Variants in TRRAP observed in about 807,000 individuals in gnomAD.
The protein encoded by TRRAP is transformation/transcription domain-associated protein.
In TRRAP, 41 loss-of-function variants were observed where a neutral mutation model predicts 438.8. That is an observed-to-expected ratio of 0.09 (90% CI 0.07 to 0.12). The LOEUF (loss-of-function observed/expected upper bound fraction) is 0.12. TRRAP is among the 10% of genes least tolerant of loss of function. TRRAP has a pLI of 1.00. For synonymous variants in TRRAP, 1,994 were observed against 1,962.9 expected (o/e 1.02, Z -0.42); for missense variants, 3,122 against 5,055.1 (o/e 0.62, Z 11.60).
At chr7:98,939,190 C>T (rs934479113) in intron 30 of TRRAP, among the ~76,000 whole-genome samples, 5 of 152,168 alleles carry the variant, frequency 3.3e-5, no homozygotes, top group African/African-American at 9.7e-5. Flanking sequence ...GACCATTTGA[C>T]GTTTTAAGAT....
At position 98,980,215 on chromosome 7, in the gene TRRAP, G is replaced by T. The variant is rs1220472827; in HGVS notation, c.8634+1311G>T. Among the ~76,000 whole-genome samples the T allele has an allele frequency of 2.0e-5, 3 of 152,172 alleles. No individual in the cohort carries two copies. In the East Asian group the frequency reaches 5.8e-4, roughly 29 times the overall value. ...CACAGTGTCATATAATTGTGGGGTG[G>T]TGTCATTATTACCATTATTGCATGC... On this transcript the variant is annotated intron_variant, in intron 58 of 72. Transcript: ENST00000456197.
intron 67 of TRRAP, chr7:98,999,518 G>A (rs1465925276): frequency 4.1e-6 from 3 of 724,968 alleles, no homozygotes; most frequent in Non-Finnish European, 7.5e-6. Flanking sequence ...ACAATATTGG[G>A]GTGCACCAGG....
In TRRAP at chr7:99,005,590, C is replaced by T. The variant is rs1300639828; in HGVS notation, c.10753+242C>T. On this transcript the variant is annotated intron_variant, in intron 69 of 72. Coordinates refer to ENST00000456197, the MANE Select transcript of TRRAP (RefSeq NM_001375524.1). This position sits in a 1 kb window ranked among gnomAD's most constrained non-coding sequence, Gnocchi z 5.1. ...CACCTTTCCTCTAAGGCGAGCTTGT[C>T]CAACCTGCGGGCTCCATGGGGCCCA... 6.6e-6 allele frequency among the ~76,000 whole-genome samples: 1 copy of T among 152,222 alleles called. No homozygotes were observed. Among genetic ancestry groups the T allele is most frequent in the Non-Finnish European group, 1.5e-5 (1 of 68,030 alleles).
chr7:98,900,817 T>C, intron 11 of TRRAP, 97 bp downstream of exon 11: 2 of 943,090 alleles, frequency 2.1e-6, no homozygotes, highest in Non-Finnish European at 3.2e-6. Flanking sequence ...TTGACAAATA[T>C]TGGTAATCAT....
intron 31 of TRRAP, 114 bp downstream of exon 31, chr7:98,943,131 G>A: frequency 1.9e-6 from 2 of 1,036,276 alleles, no homozygotes; most frequent in East Asian, 2.6e-5. Flanking sequence ...TGACGTGATT[G>A]TAGTCCTTGT....
intron 33 of TRRAP, among the ~76,000 whole-genome samples, chr7:98,946,576 G>A (rs112073792): frequency 7.1e-5 from 10 of 141,034 alleles, no homozygotes; most frequent in East Asian, 2.1e-4. Context: ...CACCACACGC[G>A]CACACACCAC....
At chr7:98,886,011 G>A (rs1415304211) in intron 3 of TRRAP, among the ~76,000 whole-genome samples, 9 of 152,226 alleles carry the variant, frequency 5.9e-5, no homozygotes, top group African/African-American at 2.2e-4. Context: ...AAGTCTGGGT[G>A]TGGTGGCTGA....
intron 30 of TRRAP, among the ~76,000 whole-genome samples, chr7:98,940,161 G>A (rs1366100691): frequency 6.6e-6 from 1 of 151,844 alleles, no homozygotes; most frequent in African/African-American, 2.4e-5. Context: ...TGGGATTACA[G>A]ATGTGAGCCA....
chr7:98,934,882 C>CTTT (rs1322268677), intron 27 of TRRAP, among the ~76,000 whole-genome samples: 1 of 152,130 alleles, frequency 6.6e-6, no homozygotes. Flanking sequence ...GCTTGAAGTG[C>CTTT]TTTTCACTCT....
At chr7:98,946,231 G>A (rs1325955066) in intron 33 of TRRAP, among the ~76,000 whole-genome samples, 1 of 152,144 alleles carries the variant, frequency 6.6e-6, no homozygotes, top group East Asian at 1.9e-4. Flanking sequence ...TTTTGTGTTC[G>A]TAACCTCTAT....
At chr7:98,900,367 A>G (rs782538966) in intron 10 of TRRAP, among the ~76,000 whole-genome samples, 6 of 152,062 alleles carry the variant, frequency 3.9e-5, no homozygotes, top group Non-Finnish European at 5.9e-5. Flanking sequence ...ATTGAGTAGA[A>G]CGGCCTGGCA....
intron 59 of TRRAP, 108 bp downstream of exon 59, chr7:98,982,068 C>T (rs1792954965): frequency 8.7e-7 from 1 of 1,143,344 alleles, no homozygotes; most frequent in African/African-American, 1.6e-5. Context: ...GATGAAACTC[C>T]TTCTGCTTGT....
At position 98,897,764 on chromosome 7, in the gene TRRAP, A is replaced by G. The variant is rs547824572; in HGVS notation, c.531A>G (p.Gln177=). The G allele has an allele frequency of 9.6e-5, 155 of 1,613,996 alleles. No homozygotes were observed. The highest frequency in any genetic ancestry group is 3.5e-4 in the Admixed American group (21 of 60,002). Residue 177 remains glutamine, a synonymous_variant, in exon 8 of 73, where the codon CAA becomes CAG. Transcript: ENST00000456197. ...AGAACCGCTACTTTGAGAACCCTCA[A>G]GTGATCCCCGAGAACACAGTGCCTC... ...KVVNRYFENP[Q]VIPENTVPPP...
At chr7:98,889,587 G>A (rs1326252668) in intron 3 of TRRAP, among the ~76,000 whole-genome samples, 1 of 139,994 alleles carries the variant, frequency 7.1e-6, no homozygotes, top group Non-Finnish European at 1.5e-5. Flanking sequence ...TCATGCTGTT[G>A]CCTAGGCTGG....
In TRRAP at chr7:98,976,372, A is replaced by G; in HGVS notation, c.7959+104A>G. ...CGAACAAGTTTCAGAAAATGAGGGA[A>G]CCGCTGGCTGTCACTCGAGCGAATT... On this transcript the variant is annotated intron_variant, in intron 54 of 72. Coordinates refer to ENST00000456197, the MANE Select transcript of TRRAP (RefSeq NM_001375524.1). This position sits in a 1 kb window ranked among gnomAD's most constrained non-coding sequence, Gnocchi z 4.6. 8 of 1,573,892 alleles carry G rather than the reference A, an allele frequency of 5.1e-6. No homozygotes were observed. Among genetic ancestry groups the G allele is most frequent in the Non-Finnish European group, 6.9e-6 (8 of 1,162,076 alleles).
At position 98,926,126 on chromosome 7, in the gene TRRAP, G is replaced by A. The variant is rs151161237; in HGVS notation, c.2975+863G>A. Among the ~76,000 whole-genome samples the A allele has an allele frequency of 4.6e-5, 7 of 152,284 alleles. No homozygotes were observed. The East Asian group carries it at 9.6e-4, about 21-fold the overall frequency. On this transcript the variant is annotated intron_variant, in intron 22 of 72. Transcript: ENST00000456197. ...TACTTATCCAGAACACATGCAGAGA[G>A]AGAAAAGATGGAAAATTCAAGAGAG...
At chr7:98,999,560 A>G in intron 67 of TRRAP, 1 of 730,992 alleles carries the variant, frequency 1.4e-6, no homozygotes, top group East Asian at 2.5e-5. Flanking sequence ...ATCCAGGCAG[A>G]CAGGATCCCA....
At chr7:98,946,896 G>A (rs1332658317) in intron 33 of TRRAP, among the ~76,000 whole-genome samples, 2 of 152,260 alleles carry the variant, frequency 1.3e-5, no homozygotes, top group African/African-American at 2.4e-5. Context: ...ATAATTTCAG[G>A]ATAGAACTTA....
At chr7:98,945,857 C>T in intron 32 of TRRAP, 57 bp downstream of exon 32, 5 of 1,549,904 alleles carry the variant, frequency 3.2e-6, no homozygotes, top group Non-Finnish European at 4.3e-6. Flanking sequence ...AAAAGTTTAC[C>T]TTTTCTTTTC....
Sources: allele counts gnomAD v4.1 joint callset (sites outside exome capture counted in the v4.1 genomes callset), GRCh38; gene constraint gnomAD v4.1.1; non-coding constraint Gnocchi (gnomAD v3.1); transcripts MANE v1.5; gene names NCBI Gene and HGNC (gene_info 2026-07-23, HGNC 2026-07-21).